The following C6 variants were observed in gnomAD, a reference collection of about 807,000 sequenced individuals.
C6 encodes complement component C6.
A neutral mutation model predicts 112.9 loss-of-function variants in C6; 101 were observed. The observed-to-expected ratio is 0.89, with a 90% confidence interval of 0.76 to 1.06. The LOEUF (loss-of-function observed/expected upper bound fraction) is 1.06, where lower values mean the gene tolerates loss of function less well. Ranked by LOEUF, C6 falls within the 50% of genes least tolerant of loss-of-function variation. The pLI is 0.00. For missense variants in C6, 1,202 were observed against 1,104.6 expected (o/e 1.09, Z -1.25); for synonymous variants, 431 against 384.1 (o/e 1.12, Z -1.43).
At chr5:41,215,083 A>G (rs1308233650), upstream of C6, among the ~76,000 whole-genome samples, 3 of 152,060 alleles carry the variant, frequency 2.0e-5, no homozygotes, top group Non-Finnish European at 4.4e-5. Flanking sequence ...GACATATCTC[A>G]CTCATGAGTC....
At chr5:41,146,104 G>A (rs558965570) in intron 17 of C6, among the ~76,000 whole-genome samples, 5 of 152,186 alleles carry the variant, frequency 3.3e-5, no homozygotes, top group African/African-American at 9.6e-5. Context: ...AAAATTTGAC[G>A]GGTAAAAAGG....
Position 41,255,454 on chromosome 5 carries a change from C to T in C6, c.-21+5740G>A, listed in dbSNP as rs77664719. ...TAGAAGGGAAATTGGACTCTTTGGG[C>T]TGCAAGTAACGGAGACAAGGGCTTA... On this transcript the variant is annotated intron_variant, in intron 1 of 17. Transcript: ENST00000263413. Among the ~76,000 whole-genome samples, 1,490 of 151,914 alleles carry T rather than the reference C, an allele frequency of 9.8e-3. 32 individuals are homozygous for T. The highest frequency in any genetic ancestry group is 0.034 in the African/African-American group (1,415 of 41,418).
At chr5:41,250,932 T>C (rs1741315331) in intron 1 of C6, among the ~76,000 whole-genome samples, 1 of 152,220 alleles carries the variant, frequency 6.6e-6, no homozygotes, top group Non-Finnish European at 1.5e-5. Context: ...CCTTTCAATA[T>C]CTTAATTTGG....
At position 41,142,825 on chromosome 5, in the gene C6, C is replaced by T. The variant is rs1202829312; in HGVS notation, c.2805G>A (p.Ter935=). The change falls in exon 18 of 18, where the codon TAG becomes TAA. Residue 935 remains the stop codon, a stop_retained_variant. Coordinates refer to ENST00000337836, the MANE Select transcript of C6 (RefSeq NM_000065.5). ...EILHPGKCLA[*] ...TGTGCTGGGCCTAGCAGTAATTGTG[C>T]TAGGCCAAACACTTTCCAGGATGCA... is the stretch of plus-strand genomic sequence containing the variant. 2 of 1,611,650 alleles carry T rather than the reference C, an allele frequency of 1.2e-6. No homozygotes were observed. The highest frequency in any genetic ancestry group is 4.5e-5 in the East Asian group (2 of 44,834).
rs781737807 is a variant in C6 at position 41,149,954 on chromosome 5, A to T, written c.2362T>A (p.Ser788Thr). The T allele has an allele frequency of 6.2e-7, 1 of 1,611,706 alleles. No individual in the cohort carries two copies. The highest frequency in any genetic ancestry group is 8.5e-7 in the Non-Finnish European group (1 of 1,177,914). The change falls in exon 16 of 18, where the codon TCT becomes ACT. Residue 788 changes from serine to threonine, a missense_variant. Physicochemically the swap from Ser to Thr is moderately conservative, Grantham distance 58 (BLOSUM62 1). Coordinates refer to ENST00000337836, the MANE Select transcript of C6 (RefSeq NM_000065.5). Reference sequence around the variant, plus strand: ...TCTTACCTACAGTCTTCTTCTGGAGACATACAAATGCATTCAGATCCTGAT... The same window carrying T: ...TCTTACCTACAGTCTTCTTCTGGAGTCATACAAATGCATTCAGATCCTGAT... ...KQSGSECICMSPEEDCSHHSE... is the reference protein window; with the variant it reads ...KQSGSECICMTPEEDCSHHSE...
chr5:41,175,746 T>C (rs1748786905), intron 8 of C6, among the ~76,000 whole-genome samples: 1 of 152,186 alleles, frequency 6.6e-6, no homozygotes, highest in Non-Finnish European at 1.5e-5. Flanking sequence ...AGAGCAGAGA[T>C]TTCCCCTAAT....
chr5:41,201,982 G>T (rs1751068792), intron 2 of C6, among the ~76,000 whole-genome samples: 1 of 152,064 alleles, frequency 6.6e-6, no homozygotes, highest in South Asian at 2.1e-4. Context: ...ATTAAGCCAA[G>T]CATGAAGCCC....
intron 1 of C6, among the ~76,000 whole-genome samples, chr5:41,255,800 C>T (rs11748237): frequency 6.6e-6 from 1 of 152,066 alleles, no homozygotes; most frequent in African/African-American, 2.4e-5. Flanking sequence ...AGGAGTTGAC[C>T]TGTGGTCCAA....
rs768853604 is a variant in C6, at chr5:41,158,723, G to C, written c.1919C>G (p.Ala640Gly). ...AACTGGCTGAGGACACCCGGAATCT[G>C]CTTCTATCTCAGGAAGATCGACCTC... ...MKEVDLPEIE[A>G]DSGCPQPVPP... Residue 640 changes from alanine (A) to glycine (G), a missense_variant, in exon 13 of 18, where the codon GCA becomes GGA. Ala to Gly is a moderately conservative substitution (Grantham distance 60). Transcript: ENST00000337836. The C allele has an allele frequency of 6.2e-7, 1 of 1,611,590 alleles. No homozygotes were observed.
intron 9 of C6, among the ~76,000 whole-genome samples, chr5:41,164,730 T>C (rs1329591322): frequency 6.6e-6 from 1 of 152,180 alleles, no homozygotes; most frequent in African/African-American, 2.4e-5. Context: ...GGCTGAAAAC[T>C]GGGGTCCATA....
At chr5:41,247,403 AC>A (rs1387195167) in intron 1 of C6, among the ~76,000 whole-genome samples, 1 of 152,150 alleles carries the variant, frequency 6.6e-6, no homozygotes, top group East Asian at 1.9e-4. Context: ...CAAGCTGAGG[AC>A]CAAATCAAGA....
intron 3 of C6, among the ~76,000 whole-genome samples, chr5:41,200,891 G>GTTTTTTTTTTTTTTTTTTTTTTT (rs143443464): frequency 1.1e-4 from 8 of 70,670 alleles, no homozygotes; most frequent in Admixed American, 1.7e-4. Flanking sequence ...TGTTGTTGTT[G>GTTTTTTTTTTTTTTTTTTTTTTT]TTTTTTTTTT....
rs113094914 is a variant in C6, at chr5:41,196,433, T to C, written c.446-500A>G. On this transcript the variant is annotated intron_variant, in intron 4 of 17. Coordinates refer to ENST00000337836, the MANE Select transcript of C6 (RefSeq NM_000065.5). ...CATGTCATGTGATTCCTTTATATGA[T>C]GTCCAGGGAGAAGGAGGGGGAATTA... Among the ~76,000 whole-genome samples the C allele has an allele frequency of 7.9e-3, 1,204 of 151,956 alleles. 17 individuals are homozygous for C. The highest frequency in any genetic ancestry group is 0.027 in the African/African-American group (1,127 of 41,470).
chr5:41,206,488 G>A (rs1392169704), intron 1 of C6, among the ~76,000 whole-genome samples: 1 of 152,116 alleles, frequency 6.6e-6, no homozygotes, highest in Non-Finnish European at 1.5e-5. Context: ...AAAAAGATTA[G>A]ACAAATGGCT....
chr5:41,204,241 GTAATACCTACCTCA>G (rs1751252087), intron 1 of C6, among the ~76,000 whole-genome samples: 1 of 152,150 alleles, frequency 6.6e-6, no homozygotes, highest in African/African-American at 2.4e-5. Flanking sequence ...TAAAATAAGA[GTAATACCTACCTCA>G]TAAAGCTTTT....
intron 14 of C6, among the ~76,000 whole-genome samples, 160 bp downstream of exon 14, chr5:41,154,812 A>T (rs559985667): frequency 1.5e-4 from 23 of 152,360 alleles, no homozygotes; most frequent in Admixed American, 6.5e-5. Flanking sequence ...CAGTTTTAGC[A>T]AATGAGCCCT....
chr5:41,249,204 C>T (rs1421615132), intron 1 of C6, among the ~76,000 whole-genome samples: 3 of 152,000 alleles, frequency 2.0e-5, no homozygotes, highest in Admixed American at 2.0e-4. Flanking sequence ...CTATTGGTAC[C>T]ATGCTCAGTA....
chr5:41,153,976 A>G lies in C6; in HGVS notation c.2124T>C (p.Val708=), dbSNP rs1463458829. ...ECQRTECIKP[V]VQEVLTITPF... is the part of the protein sequence containing the mutation. The stretch of plus-strand genomic sequence containing the variant: ...GTGTAATTGTCAGGACTTCCTGCAC[A>G]ACTGGCTTGATGCACTCCGTCCCTG... Residue 708 remains valine, a synonymous_variant, in exon 15 of 18, where the codon GTT becomes GTC. Transcript: ENST00000337836. The G allele has an allele frequency of 3.1e-6, 5 of 1,613,806 alleles. No homozygotes were observed. The highest frequency in any genetic ancestry group is 2.2e-5 in the East Asian group (1 of 44,846).
chr5:41,251,075 C>T (rs187364174), intron 1 of C6, among the ~76,000 whole-genome samples: 10 of 152,220 alleles, frequency 6.6e-5, no homozygotes, highest in East Asian at 1.9e-4. Context: ...ATCTTGAGTG[C>T]GGAGAACTAT....
Sources: allele counts gnomAD v4.1 joint callset (sites outside exome capture counted in the v4.1 genomes callset), GRCh38; gene constraint gnomAD v4.1.1; transcripts MANE v1.5; gene names NCBI Gene and HGNC (gene_info 2026-07-23, HGNC 2026-07-21).